Variants in ASAP3 observed in about 807,000 individuals in gnomAD.
ASAP3 encodes the protein arf-GAP with SH3 domain, ANK repeat and PH domain-containing protein 3.
ASAP3 carries 85 observed loss-of-function variants against 118.2 expected under a neutral mutation model. The ratio of observed to expected loss-of-function variants is 0.72; its 90% CI spans 0.60 to 0.86. The LOEUF is 0.86. ASAP3 is among the 40% of genes least tolerant of loss of function. The pLI is 0.00. For synonymous variants in ASAP3, 432 were observed against 477.4 expected (o/e 0.90, Z 1.24); for missense variants, 1,026 against 1,175.0 (o/e 0.87, Z 1.85).
intron 1 of ASAP3, 136 bp from the exon 2 acceptor site, chr1:23,456,330 C>G: frequency 1.2e-6 from 1 of 800,136 alleles, no homozygotes; most frequent in African/African-American, 1.7e-5. Context: ...TCCTCTGGAA[C>G]TTATCCCTAG....
intron 10 of ASAP3, 113 bp downstream of exon 10, chr1:23,440,989 A>G (rs1640851726): frequency 3.1e-6 from 3 of 970,646 alleles, no homozygotes; most frequent in Non-Finnish European, 3.1e-6. Flanking sequence ...TTACATTGCA[A>G]CCCTCGGTGT....
chr1:23,448,927 C>T (rs74062717), intron 5 of ASAP3, among the ~76,000 whole-genome samples: 5,258 of 152,296 alleles, frequency 0.035, 268 homozygotes, highest in African/African-American at 0.12. Context: ...CCAGGACTGG[C>T]TGGTGCCTAA....
chr1:23,441,862 G>C (rs1054277270), intron 7 of ASAP3, 132 bp from the exon 8 acceptor site: 1 of 912,286 alleles, frequency 1.1e-6, no homozygotes, highest in African/African-American at 1.7e-5. Flanking sequence ...GTCAAGAACA[G>C]ACACTCCATA....
At chr1:23,482,067 A>G (rs927343017) in intron 1 of ASAP3, among the ~76,000 whole-genome samples, 1 of 152,350 alleles carries the variant, frequency 6.6e-6, no homozygotes, top group Middle Eastern at 3.4e-3. Flanking sequence ...GCTGCTTCTT[A>G]TTTTAATAAA....
At chr1:23,446,977 T>C (rs1344675436) in intron 5 of ASAP3, among the ~76,000 whole-genome samples, 1 of 152,190 alleles carries the variant, frequency 6.6e-6, no homozygotes, top group Non-Finnish European at 1.5e-5. Flanking sequence ...ATCATCAGGC[T>C]TAGATTCTCA....
intron 22 of ASAP3, among the ~76,000 whole-genome samples, chr1:23,432,183 T>C (rs1640462085): frequency 6.6e-6 from 1 of 151,898 alleles, no homozygotes. Flanking sequence ...ATTTTTGCAT[T>C]TTTAGTAGAG....
chr1:23,481,504 T>C (rs1642306464), intron 1 of ASAP3, among the ~76,000 whole-genome samples: 1 of 152,184 alleles, frequency 6.6e-6, no homozygotes, highest in South Asian at 2.1e-4. Flanking sequence ...TAATCCAAAG[T>C]TCAGACTCTA....
intron 5 of ASAP3, among the ~76,000 whole-genome samples, chr1:23,447,199 G>T (rs1325959469): frequency 6.6e-6 from 1 of 152,142 alleles, no homozygotes; most frequent in East Asian, 1.9e-4. Context: ...AGGACCCCTG[G>T]TCTATACCAC....
chr1:23,462,545 G>A (rs564147569), intron 1 of ASAP3, among the ~76,000 whole-genome samples: 21 of 151,850 alleles, frequency 1.4e-4, no homozygotes, highest in African/African-American at 4.8e-4. Flanking sequence ...GGCTGAGGCT[G>A]GCAGATCACG....
chr1:23,442,489 A>G lies in ASAP3; in HGVS notation c.585+12T>C, dbSNP rs1640908142. On this transcript the variant is annotated intron_variant, in intron 6 of 24. Transcript: ENST00000336689. ...CCCACGCCCCCCCTCCCTCATCCAG[A>G]GCACCCCTTACCTCACACATGTGCA... 1 of 1,611,764 alleles carries G rather than the reference A, an allele frequency of 6.2e-7. No homozygotes were observed. The highest frequency in any genetic ancestry group is 1.3e-5 in the African/African-American group (1 of 74,792).
At chr1:23,470,844 T>C (rs1029973912) in intron 1 of ASAP3, among the ~76,000 whole-genome samples, 3 of 152,192 alleles carry the variant, frequency 2.0e-5, no homozygotes, top group African/African-American at 7.2e-5. Flanking sequence ...ACACCCTCGA[T>C]GTATGCTGAG....
intron 7 of ASAP3, 81 bp from the exon 8 acceptor site, chr1:23,441,811 C>A: frequency 6.8e-7 from 1 of 1,473,044 alleles, no homozygotes; most frequent in South Asian, 1.2e-5. Flanking sequence ...GAGAAGCTGC[C>A]GTAAGGATCA....
chr1:23,442,518 G>A lies in ASAP3; in HGVS notation c.568C>T (p.Gln190Ter), dbSNP rs769243302. 1.2e-6 allele frequency: 2 copies of A among 1,613,912 alleles called. No individual in the cohort carries two copies. ...QDMQRERRIFQLHMCEYLLKA... is the reference protein window; with the variant it reads ...QDMQRERRIF The stretch of plus-strand genomic sequence containing the variant: ...CCCCTTACCTCACACATGTGCAGCT[G>A]GAAGATGCGCCGCTCTCTCTGCATG... Residue 190 changes from glutamine to a stop codon, truncating the protein, a stop_gained, in exon 6 of 25, where the codon CAG becomes TAG. Coordinates refer to ENST00000336689, the MANE Select transcript of ASAP3 (RefSeq NM_017707.4). LOFTEE classifies it high-confidence loss of function.
At chr1:23,473,516 G>A (rs995472924) in intron 1 of ASAP3, among the ~76,000 whole-genome samples, 12 of 152,164 alleles carry the variant, frequency 7.9e-5, no homozygotes, top group African/African-American at 2.7e-4. Flanking sequence ...TAGGCCCATC[G>A]AAGGGACCTT....
intron 10 of ASAP3, 96 bp from the exon 11 acceptor site, chr1:23,439,326 T>G (rs2148613924): frequency 2.5e-4 from 272 of 1,078,820 alleles, no homozygotes; most frequent in Non-Finnish European, 3.0e-4. Context: ...GTATGATCTC[T>G]AGCCACATCC....
intron 1 of ASAP3, among the ~76,000 whole-genome samples, chr1:23,458,686 C>T (rs1181636528): frequency 6.6e-6 from 1 of 151,668 alleles, no homozygotes; most frequent in Non-Finnish European, 1.5e-5. Flanking sequence ...TCTTTCTAAA[C>T]TGGCCAACAG....
In ASAP3 at chr1:23,431,036, G is replaced by A. The variant is rs137927599; in HGVS notation, c.2636C>T (p.Pro879Leu). The A allele has an allele frequency of 2.8e-3, 4,355 of 1,578,050 alleles. 8 individuals are homozygous for A. The highest frequency in any genetic ancestry group is 3.4e-3 in the Non-Finnish European group (4,003 of 1,163,702). Reference sequence around the variant, plus strand: ...AAACCATGGTCCCAGAGTTCCTACCGGCACGTTCCTTCTGGGCAGAGGCTG... The same window carrying A: ...AAACCATGGTCCCAGAGTTCCTACCAGCACGTTCCTTCTGGGCAGAGGCTG... ...ARQPLPRRNVPVGITEGDGSR... is the reference protein window; with the variant it reads ...ARQPLPRRNVLVGITEGDGSR... Residue 879 changes from proline to leucine, a missense_variant and splice_region_variant, in exon 24 of 25, where the codon CCG becomes CTG. Coordinates refer to ENST00000336689, the MANE Select transcript of ASAP3 (RefSeq NM_017707.4).
intron 5 of ASAP3, among the ~76,000 whole-genome samples, chr1:23,448,947 G>A (rs1383392646): frequency 1.3e-5 from 2 of 152,140 alleles, no homozygotes; most frequent in East Asian, 1.9e-4. Context: ...AGCCTTAGGG[G>A]CAGCCCAAGC....
chr1:23,433,478 A>G lies in ASAP3; in HGVS notation c.2074T>C (p.Trp692Arg). The G allele has an allele frequency of 6.2e-7, 1 of 1,614,162 alleles. No individual in the cohort carries two copies. Among genetic ancestry groups the G allele is most frequent in the South Asian group, 1.1e-5 (1 of 91,082 alleles). The change falls in exon 21 of 25, where the codon TGG (tryptophan) becomes CGG (arginine). Residue 692 changes from tryptophan (W) to arginine (R), a missense_variant. Physicochemically the swap from Trp to Arg is moderately radical, Grantham distance 101 (BLOSUM62 -3). Coordinates refer to ENST00000336689, the MANE Select transcript of ASAP3 (RefSeq NM_017707.4). ...FAFPLHVDYS[W>R]VISTEPGSDS... ...GAGCCAGGCTCTGTGGAAATTACCC[A>G]GGAGTAGTCCACATGTAGAGGGAAG... is the stretch of plus-strand genomic sequence containing the variant.
Sources: gnomAD v4.1 joint callset for allele counts (sites outside exome capture counted in the v4.1 genomes callset) on GRCh38, gnomAD v4.1.1 for gene constraint, MANE v1.5 for transcripts, NCBI Gene and HGNC (gene_info 2026-07-23, HGNC 2026-07-21) for gene names.